ZP2: variants seen among roughly 807,000 people sequenced by gnomAD.
The protein encoded by ZP2 is zona pellucida glycoprotein 2.
A neutral mutation model predicts 84.0 loss-of-function variants in ZP2; 51 were observed. The observed-to-expected ratio is 0.61, with a 90% CI of 0.49 to 0.77. ZP2 has a LOEUF of 0.77. ZP2 is among the 30% of genes least tolerant of loss of function. The pLI is 0.00. For missense variants in ZP2, 909 were observed against 911.9 expected (o/e 1.00, Z 0.04); for synonymous variants, 375 against 330.9 (o/e 1.13, Z -1.45).
chr16:21,202,503 A>C (rs1446483464), intron 10 of ZP2, among the ~76,000 whole-genome samples: 1 of 152,206 alleles, frequency 6.6e-6, no homozygotes, highest in African/African-American at 2.4e-5. Context: ...AGGACTTTTC[A>C]TCCAAAGGAG....
At chr16:21,207,988 G>A (rs542358219) in intron 4 of ZP2, among the ~76,000 whole-genome samples, 2 of 152,244 alleles carry the variant, frequency 1.3e-5, no homozygotes, top group South Asian at 2.1e-4. Flanking sequence ...GGAAGGCTGA[G>A]GTGGGAGGAT....
At chr16:21,198,263 C>T (rs982963045) in intron 17 of ZP2, among the ~76,000 whole-genome samples, 2 of 151,952 alleles carry the variant, frequency 1.3e-5, no homozygotes, top group African/African-American at 2.4e-5. Context: ...GGCACAGTGG[C>T]AGGTGCCTGT....
At chr16:21,206,224 T>C (rs948174363) in intron 5 of ZP2, among the ~76,000 whole-genome samples, 9 of 152,188 alleles carry the variant, frequency 5.9e-5, no homozygotes, top group African/African-American at 1.9e-4. Context: ...CTCAAACTCC[T>C]GACCTCAGGT....
chr16:21,198,878 C>A lies in ZP2; in HGVS notation c.1928-16G>T, dbSNP rs575165438. The A allele has an allele frequency of 2.5e-6, 4 of 1,612,168 alleles. No individual in the cohort carries two copies. The South Asian group carries it at 4.4e-5, about 18-fold the overall frequency. Reference sequence around the variant, plus strand: ...GCCCCTGTGGCTGGAGACAGATGATCAAGTTTGTGTTTGGCCTCTGGAATA... The same window carrying A: ...GCCCCTGTGGCTGGAGACAGATGATAAAGTTTGTGTTTGGCCTCTGGAATA... On this transcript the variant is annotated splice_polypyrimidine_tract_variant and intron_variant, in intron 16 of 18. Coordinates refer to ENST00000574091, the MANE Select transcript of ZP2 (RefSeq NM_001376232.1).
intron 14 of ZP2, among the ~76,000 whole-genome samples, chr16:21,200,433 C>A (rs575061219): frequency 3.4e-4 from 51 of 152,082 alleles, no homozygotes; most frequent in Non-Finnish European, 6.6e-4. Flanking sequence ...AGTGAGACCT[C>A]GTCTCAAAAA....
At chr16:21,205,834 A>T in intron 5 of ZP2, 59 bp from the exon 6 acceptor site, 1 of 1,571,868 alleles carries the variant, frequency 6.4e-7, no homozygotes, top group Non-Finnish European at 8.7e-7. Flanking sequence ...TTCCGAATTC[A>T]TGCCAGAAAT....
chr16:21,205,385 G>T, intron 7 of ZP2, 35 bp downstream of exon 7: 1 of 1,608,604 alleles, frequency 6.2e-7, no homozygotes, highest in South Asian at 1.1e-5. Flanking sequence ...ACTGGCCTGT[G>T]CTTTGGTGGT....
upstream of ZP2, among the ~76,000 whole-genome samples, chr16:21,213,505 C>T (rs2093282130): frequency 6.6e-6 from 1 of 152,198 alleles, no homozygotes; most frequent in African/African-American, 2.4e-5. Context: ...TCACATGGAG[C>T]TCTCATTAAT....
upstream of ZP2, chr16:21,214,332 T>C: frequency 1.0e-6 from 1 of 972,412 alleles, no homozygotes; most frequent in Non-Finnish European, 1.2e-6. Context: ...GAAGCTACCA[T>C]CTGTTCAGCA....
chr16:21,198,337 G>C (rs2093209206), intron 17 of ZP2, among the ~76,000 whole-genome samples: 1 of 152,136 alleles, frequency 6.6e-6, no homozygotes, highest in South Asian at 2.1e-4. Context: ...AGAGGTTGCA[G>C]TGAGCCAAGA....
upstream of ZP2, chr16:21,211,812 C>A (rs896752697): frequency 3.6e-6 from 5 of 1,402,870 alleles, no homozygotes; most frequent in African/African-American, 7.2e-5. Flanking sequence ...TGGTGTTTTC[C>A]CTATAACTAT....
In ZP2 at chr16:21,202,136, T is replaced by A. The variant is rs373653232; in HGVS notation, c.1255A>T (p.Ile419Leu). 64 of 1,612,766 alleles carry A rather than the reference T, an allele frequency of 4.0e-5. No individual in the cohort carries two copies. The highest frequency in any genetic ancestry group is 5.0e-5 in the Non-Finnish European group (59 of 1,179,708). The change falls in exon 11 of 19, where the codon ATA becomes TTA. Residue 419 changes from isoleucine to leucine, a missense_variant. Physicochemically the swap from Ile to Leu is conservative, Grantham distance 5. Coordinates refer to ENST00000574091, the MANE Select transcript of ZP2 (RefSeq NM_001376232.1). Reference protein sequence around the residue: ...AQSQGLVRFHIPLNGCGTRYK... With the variant: ...AQSQGLVRFHLPLNGCGTRYK... The stretch of plus-strand genomic sequence containing the variant: ...CTCGTTCCACATCCATTCAGGGGTA[T>A]GTGGAACCGTACCAGCCCCTGAGAC...
intron 16 of ZP2, 94 bp from the exon 17 acceptor site, chr16:21,198,956 T>G (rs2152854387): frequency 8.8e-7 from 1 of 1,136,248 alleles, no homozygotes; most frequent in Middle Eastern, 1.9e-4. Flanking sequence ...CTCTCTGGAG[T>G]ATTTTGTTCA....
chr16:21,198,092 A>AT (rs34614859), intron 17 of ZP2: 52,186 of 254,022 alleles, frequency 0.21, 3,902 homozygotes, highest in East Asian at 0.29. Flanking sequence ...ATTCAAGAGG[A>AT]TTTTTTTTTT....
In ZP2 at chr16:21,207,061, C is replaced by T. The variant is rs2093253344; in HGVS notation, c.331-71G>A. On this transcript the variant is annotated intron_variant, in intron 4 of 18. Coordinates refer to ENST00000574091, the MANE Select transcript of ZP2 (RefSeq NM_001376232.1). The stretch of plus-strand genomic sequence containing the variant: ...CATGGGATTCTAGAATACCATCTGA[C>T]CCATCTGAGTGGGAAAACCCTTAAA... 33 of 1,573,422 alleles carry T rather than the reference C, an allele frequency of 2.1e-5. No homozygotes were observed. The South Asian group carries it at 3.4e-4, about 16-fold the overall frequency.
Position 21,201,254 on chromosome 16 carries a change from T to G in ZP2, c.1694+115A>C, listed in dbSNP as rs1378774208. The G allele has an allele frequency of 4.3e-6, 4 of 924,252 alleles. No individual in the cohort carries two copies. In the East Asian group the frequency reaches 1.1e-4, roughly 26 times the overall value. 57.3% of individuals were successfully genotyped at this position (924,252 alleles called of 1,614,324 possible). A position where few individuals can be genotyped will look rare whatever the true frequency, so the allele number is the denominator to read the frequency against. Reference sequence around the variant, plus strand: ...AGAGTCCCAATTAGAAAACAAGGACTAAATCTGGATCTCACATGACTGAAT... The same window carrying G: ...AGAGTCCCAATTAGAAAACAAGGACGAAATCTGGATCTCACATGACTGAAT... On this transcript the variant is annotated intron_variant, in intron 14 of 18. Coordinates refer to ENST00000574091, the MANE Select transcript of ZP2 (RefSeq NM_001376232.1).
chr16:21,207,020 G>GT, intron 4 of ZP2, 30 bp from the exon 5 acceptor site: 1 of 1,613,062 alleles, frequency 6.2e-7, no homozygotes. Context: ...TGGGAACAGA[G>GT]TAAGTACTGT....
rs376331838 is a variant in ZP2 at position 21,202,156 on chromosome 16, T to C, written c.1235A>G (p.Gln412Arg). The change falls in exon 11 of 19, where the codon CAG becomes CGG. Residue 412 changes from glutamine (Q) to arginine (R), a missense_variant. Gln to Arg is a conservative substitution (Grantham distance 43). Coordinates refer to ENST00000574091, the MANE Select transcript of ZP2 (RefSeq NM_001376232.1). ...GGGTATGTGGAACCGTACCAGCCCC[T>C]GAGACTGAGCCTCAAAGACAGGCTG... Reference protein sequence around the residue: ...SCQPVFEAQSQGLVRFHIPLN... With the variant: ...SCQPVFEAQSRGLVRFHIPLN... 320 of 1,608,460 alleles carry C rather than the reference T, an allele frequency of 2.0e-4. 7 individuals carry two copies. In the South Asian group the frequency reaches 2.9e-3, roughly 14 times the overall value.
chr16:21,211,556 A>G lies in ZP2; in HGVS notation c.-9T>C, dbSNP rs112807170. 1,054 of 1,614,064 alleles carry G rather than the reference A, an allele frequency of 6.5e-4. 3 individuals are homozygous for G. In the African/African-American group the frequency reaches 0.012, roughly 18 times the overall value. ...CTCTGCCTGCACGCCATAGCAGAAG[A>G]CACTACCAGATCAACCAGGTAGAGG... On this transcript the variant is annotated 5_prime_UTR_variant, in exon 1 of 19. Transcript: ENST00000574091.
Sources: gnomAD v4.1 joint callset for allele counts (sites outside exome capture counted in the v4.1 genomes callset) on GRCh38, gnomAD v4.1.1 for gene constraint, MANE v1.5 for transcripts, NCBI Gene and HGNC (gene_info 2026-07-23, HGNC 2026-07-21) for gene names.